ARID3A: variants seen among roughly 807,000 people sequenced by gnomAD.
ARID3A encodes the protein AT-rich interaction domain 3A.
A neutral mutation model predicts 52.7 loss-of-function variants in ARID3A; 11 were observed. The observed-to-expected ratio is 0.21, with a 90% CI of 0.13 to 0.35. The LOEUF (loss-of-function observed/expected upper bound fraction) is 0.35, where lower values mean the gene tolerates loss of function less well. ARID3A is among the 10% of genes least tolerant of loss of function. The probability of loss-of-function intolerance (pLI) is 1.00; values close to 1 mark genes in which losing one functional copy is unlikely to be tolerated. For missense variants in ARID3A, 721 were observed against 838.5 expected, an observed-to-expected ratio of 0.86 and a Z score of 1.73; for synonymous variants, 404 against 359.4, an observed-to-expected ratio of 1.12 and a Z score of -1.40.
intron 3 of ARID3A, among the ~76,000 whole-genome samples, chr19:955,392 G>A (rs776309421): frequency 9.2e-5 from 14 of 152,162 alleles, no homozygotes; most frequent in Non-Finnish European, 1.8e-4. Context: ...TGGGGCCCCC[G>A]CAGGTCCTCC....
At position 932,699 on chromosome 19, in the gene ARID3A, C is replaced by G; in HGVS notation, c.650C>G (p.Pro217Arg). ...GCCCACGTAGCCCCGCAGCTGCAGC[C>G]GCCTGACCACGGCGACTGGACTTAC... ...GAAHVAPQLQ[P>R]PDHGDWTYEE... Residue 217 changes from proline (P) to arginine (R), a missense_variant, in exon 3 of 9, where the codon CCG becomes CGG. Transcript: ENST00000263620. 1.3e-6 allele frequency: 2 copies of G among 1,547,182 alleles called. No homozygotes were observed. Among genetic ancestry groups the G allele is most frequent in the Non-Finnish European group, 1.7e-6 (2 of 1,146,420 alleles).
At chr19:952,132 C>G (rs1489391982) in intron 3 of ARID3A, among the ~76,000 whole-genome samples, 1 of 151,522 alleles carries the variant, frequency 6.6e-6, no homozygotes, top group Non-Finnish European at 1.5e-5. Context: ...CAGAGCGAGA[C>G]TCGGTCTCAA....
chr19:940,351 A>G (rs2037522889), intron 3 of ARID3A, among the ~76,000 whole-genome samples: 1 of 152,028 alleles, frequency 6.6e-6, no homozygotes, highest in Non-Finnish European at 1.5e-5. Flanking sequence ...ACGCGTTTGC[A>G]CTGGGCCGCA....
chr19:946,282 G>A (rs1485204445), intron 3 of ARID3A, among the ~76,000 whole-genome samples: 1 of 151,320 alleles, frequency 6.6e-6, no homozygotes, highest in Non-Finnish European at 1.5e-5. Context: ...TTATTTATGA[G>A]ACAGAGTCTT....
In ARID3A at chr19:938,096, A is replaced by G. The variant is rs1169299800; in HGVS notation, c.693+5354A>G. On this transcript the variant is annotated intron_variant, in intron 3 of 8. Coordinates refer to ENST00000263620, the MANE Select transcript of ARID3A (RefSeq NM_005224.3). This position sits in a 1 kb window ranked among gnomAD's most constrained non-coding sequence, Gnocchi z 4.0. ...CAACCTCAGGTGATCCTCACACCTC[A>G]GCGTCCCAGAGTGCTGGGATCACAG... Among the ~76,000 whole-genome samples the G allele has an allele frequency of 6.6e-6, 1 of 151,578 alleles. No homozygotes were observed. The highest frequency in any genetic ancestry group is 1.5e-5 in the Non-Finnish European group (1 of 67,892).
At chr19:934,755 G>GCCCCCGCCCTGCACC (rs1295909890) in intron 3 of ARID3A, among the ~76,000 whole-genome samples, 1 of 152,062 alleles carries the variant, frequency 6.6e-6, no homozygotes, top group Non-Finnish European at 1.5e-5. Flanking sequence ...GTGGGGGGAG[G>GCCCCCGCCCTGCACC]CCCCCGCCCT....
At chr19:946,284 C>T (rs1256588463) in intron 3 of ARID3A, among the ~76,000 whole-genome samples, 2 of 151,898 alleles carry the variant, frequency 1.3e-5, no homozygotes, top group African/African-American at 4.8e-5. Context: ...ATTTATGAGA[C>T]AGAGTCTTGC....
At position 972,401 on chromosome 19, in the gene ARID3A, A is replaced by T. The variant is rs2038298481; in HGVS notation, c.*336A>T. 4.6e-6 allele frequency: 1 copy of T among 218,076 alleles called. No individual in the cohort carries two copies. Among genetic ancestry groups the T allele is most frequent in the African/African-American group, 2.3e-5 (1 of 44,286 alleles). The allele number at this position is 218,076 out of a possible 1,614,324, so 13.5% of individuals were successfully genotyped here. ...GAGGCAGACGTTTCCCAGGGCGTTC[A>T]GGCAGCCCTGATGGACCGAAGGCTC... On this transcript the variant is annotated 3_prime_UTR_variant, in exon 9 of 9. Transcript: ENST00000263620.
At chr19:952,674 C>G (rs1178002768) in intron 3 of ARID3A, among the ~76,000 whole-genome samples, 1 of 152,212 alleles carries the variant, frequency 6.6e-6, no homozygotes, top group East Asian at 1.9e-4. Context: ...CTCCCAGCTC[C>G]TGCACCCCTC....
chr19:956,324 G>C (rs772130848), intron 3 of ARID3A, among the ~76,000 whole-genome samples: 1 of 152,138 alleles, frequency 6.6e-6, no homozygotes, highest in Admixed American at 6.5e-5. Flanking sequence ...TTCAAGTAAC[G>C]AGCATTTATT....
chr19:953,918 C>G (rs965902936), intron 3 of ARID3A, among the ~76,000 whole-genome samples: 9 of 152,134 alleles, frequency 5.9e-5, no homozygotes, highest in Non-Finnish European at 1.2e-4. Context: ...TATAGAAATA[C>G]AAAAATTAGC....
At chr19:971,600 C>T (rs8110534) in intron 8 of ARID3A, among the ~76,000 whole-genome samples, 2,240 of 151,906 alleles carry the variant, frequency 0.015, 54 homozygotes, top group African/African-American at 0.051. Context: ...CGCGACAGAG[C>T]GAGACACCAT....
Position 936,713 on chromosome 19 carries a change from G to A in ARID3A, c.693+3971G>A, listed in dbSNP as rs111857616. Reference sequence around the variant, plus strand: ...AAAAATTAGCCGGGCGTGGCAGCACGCGCCTGTAGTCCCAGCTACTTGGGA... The same window carrying A: ...AAAAATTAGCCGGGCGTGGCAGCACACGCCTGTAGTCCCAGCTACTTGGGA... On this transcript the variant is annotated intron_variant, in intron 3 of 8. Coordinates refer to ENST00000263620, the MANE Select transcript of ARID3A (RefSeq NM_005224.3). Among the ~76,000 whole-genome samples, 346 of 151,728 alleles carry A rather than the reference G, an allele frequency of 2.3e-3. 3 individuals carry two copies. Among genetic ancestry groups the A allele is most frequent in the African/African-American group, 7.9e-3 (326 of 41,340 alleles).
At position 966,879 on chromosome 19, in the gene ARID3A, C is replaced by T. The variant is rs377023684; in HGVS notation, c.1495+11C>T. ...GGATCAACAGCCAAGGTACTGCCCTCGTGCCCAGACCCGCTGTGCTTCCTG... is the reference window on the plus strand; with the variant it reads ...GGATCAACAGCCAAGGTACTGCCCTTGTGCCCAGACCCGCTGTGCTTCCTG... On this transcript the variant is annotated intron_variant, in intron 7 of 8. Transcript: ENST00000263620. 6.9e-6 allele frequency: 11 copies of T among 1,594,008 alleles called. No individual in the cohort carries two copies. The highest frequency in any genetic ancestry group is 1.7e-5 in the Admixed American group (1 of 59,196).
intron 3 of ARID3A, among the ~76,000 whole-genome samples, chr19:952,876 T>G (rs1476973136): frequency 6.6e-6 from 1 of 151,960 alleles, no homozygotes; most frequent in Non-Finnish European, 1.5e-5. Flanking sequence ...CTGGTGGGAG[T>G]GCCCAGGTGG....
In ARID3A at chr19:945,374, T is replaced by A. The variant is rs1296801559; in HGVS notation, c.693+12632T>A. Among the ~76,000 whole-genome samples, 7 of 152,212 alleles carry A rather than the reference T, an allele frequency of 4.6e-5. No homozygotes were observed. The East Asian group carries it at 1.3e-3, about 29-fold the overall frequency. ...TAACTCCTGTAGAGAGGGGACGGCG[T>A]GTGGCATGGCCCCTGCTGCCTGACC... On this transcript the variant is annotated intron_variant, in intron 3 of 8. Transcript: ENST00000263620.
At chr19:969,795 C>T (rs183922772) in intron 8 of ARID3A, among the ~76,000 whole-genome samples, 1 of 150,186 alleles carries the variant, frequency 6.7e-6, no homozygotes, top group South Asian at 2.2e-4. Flanking sequence ...TCGAGCGATT[C>T]TCCTGCCTCA....
intron 3 of ARID3A, among the ~76,000 whole-genome samples, chr19:933,767 C>T (rs922639766): frequency 6.6e-6 from 1 of 150,772 alleles, no homozygotes; most frequent in African/African-American, 2.4e-5. Context: ...GGTTGGGCTG[C>T]CTGGAAACTC....
At chr19:935,933 G>A (rs2037430687) in intron 3 of ARID3A, among the ~76,000 whole-genome samples, 1 of 152,232 alleles carries the variant, frequency 6.6e-6, no homozygotes, top group African/African-American at 2.4e-5. Flanking sequence ...TGGGACTACA[G>A]GCATCCGCCA....
Sources: allele counts gnomAD v4.1 joint callset (sites outside exome capture counted in the v4.1 genomes callset), GRCh38; gene constraint gnomAD v4.1.1; non-coding constraint Gnocchi (gnomAD v3.1); transcripts MANE v1.5; gene names NCBI Gene and HGNC (gene_info 2026-07-23, HGNC 2026-07-21).